The following ABCB5 variants were observed in gnomAD, a reference collection of about 807,000 sequenced individuals.
ABCB5 encodes ATP-binding cassette sub-family B member 5.
In ABCB5, 155 loss-of-function variants were observed where a neutral mutation model predicts 144.2. The ratio of observed to expected loss-of-function variants is 1.08; its 90% confidence interval spans 0.94 to 1.23. The LOEUF (loss-of-function observed/expected upper bound fraction) is 1.23, where lower values mean the gene tolerates loss of function less well. Ranked by LOEUF, ABCB5 falls within the 50% of genes most tolerant of loss-of-function variation. ABCB5 has a pLI of 0.00. For synonymous variants in ABCB5, 610 were observed against 528.6 expected (o/e 1.15, Z -2.11); for missense variants, 1,830 against 1,520.8 (o/e 1.20, Z -3.38).
intron 20 of ABCB5, among the ~76,000 whole-genome samples, chr7:20,710,836 T>C (rs1384001473): frequency 2.7e-5 from 4 of 150,310 alleles, no homozygotes; most frequent in Non-Finnish European, 4.4e-5. Context: ...ATTCCATATG[T>C]TCTTTGCACA....
chr7:20,686,495 A>G (rs1447931112), intron 16 of ABCB5, among the ~76,000 whole-genome samples: 1 of 151,926 alleles, frequency 6.6e-6, no homozygotes, highest in Admixed American at 6.6e-5. Flanking sequence ...TTGAGCCTCC[A>G]CCACACATCC....
At chr7:20,671,085 CATAAAA>C (rs1233275252) in intron 14 of ABCB5, among the ~76,000 whole-genome samples, 1 of 151,968 alleles carries the variant, frequency 6.6e-6, no homozygotes, top group Non-Finnish European at 1.5e-5. Flanking sequence ...TAGGTTATAC[CATAAAA>C]ATGACCCATA....
At chr7:20,722,986 T>C (rs73085689) in intron 20 of ABCB5, 30 bp from the exon 21 acceptor site, 544,730 of 1,602,242 alleles carry the variant, frequency 0.34, 97,526 homozygotes, top group Non-Finnish European at 0.37. Context: ...GTTAATTGAG[T>C]TTTTTCCCCC....
chr7:20,667,537 A>G (rs1472825080), intron 14 of ABCB5: 1 of 977,640 alleles, frequency 1.0e-6, no homozygotes, highest in African/African-American at 1.8e-5. Flanking sequence ...TATATTTTCT[A>G]ATTAAATTCC....
intron 12 of ABCB5, among the ~76,000 whole-genome samples, chr7:20,650,738 A>G (rs1036773701): frequency 6.6e-6 from 1 of 152,176 alleles, no homozygotes; most frequent in Non-Finnish European, 1.5e-5. Flanking sequence ...GCCTGGCTTT[A>G]TTTAAATTTT....
At chr7:20,681,051 TC>T (rs1785793765) in intron 14 of ABCB5, among the ~76,000 whole-genome samples, 3 of 72,568 alleles carry the variant, frequency 4.1e-5, no homozygotes, top group African/African-American at 1.3e-4. Flanking sequence ...TTTCTTTCTC[TC>T]TCTCTCTCTT....
At chr7:20,639,050 A>T (rs978462072) in intron 5 of ABCB5, among the ~76,000 whole-genome samples, 5 of 152,134 alleles carry the variant, frequency 3.3e-5, no homozygotes, top group Admixed American at 3.3e-4. Flanking sequence ...TATTACAGCC[A>T]TTGTAGTAGG....
chr7:20,680,713 C>T (rs913138047), intron 14 of ABCB5, among the ~76,000 whole-genome samples: 1 of 152,090 alleles, frequency 6.6e-6, no homozygotes, highest in Non-Finnish European at 1.5e-5. Flanking sequence ...CCCTTATGTG[C>T]ATTTTTCCAT....
chr7:20,672,962 T>A (rs1345732697), intron 14 of ABCB5, among the ~76,000 whole-genome samples: 1 of 152,144 alleles, frequency 6.6e-6, no homozygotes, highest in Non-Finnish European at 1.5e-5. Context: ...ATTTCTTTTC[T>A]TCCATTTTTT....
At chr7:20,652,762 C>A (rs1483720008) in intron 13 of ABCB5, among the ~76,000 whole-genome samples, 3 of 152,074 alleles carry the variant, frequency 2.0e-5, no homozygotes, top group African/African-American at 7.2e-5. Context: ...CTCAGCATCC[C>A]CTGAAATTGT....
chr7:20,685,495 G>A (rs890191379), intron 15 of ABCB5, among the ~76,000 whole-genome samples: 1 of 152,134 alleles, frequency 6.6e-6, no homozygotes, highest in African/African-American at 2.4e-5. Flanking sequence ...AGGACAATGA[G>A]CTATTGTCAG....
At chr7:20,694,924 TAC>T (rs1786355885) in intron 16 of ABCB5, among the ~76,000 whole-genome samples, 1 of 151,962 alleles carries the variant, frequency 6.6e-6, no homozygotes, top group South Asian at 2.1e-4. Flanking sequence ...TATAAAATAT[TAC>T]AGAGAAAAAC....
chr7:20,714,776 G>A (rs1326161564), intron 20 of ABCB5, among the ~76,000 whole-genome samples: 5 of 152,126 alleles, frequency 3.3e-5, no homozygotes, highest in Admixed American at 3.3e-4. Flanking sequence ...AAGCCACTTC[G>A]TAGAAAGTTC....
At chr7:20,698,054 G>T (rs1035726457) in intron 16 of ABCB5, among the ~76,000 whole-genome samples, 2 of 151,912 alleles carry the variant, frequency 1.3e-5, no homozygotes, top group Non-Finnish European at 2.9e-5. Context: ...TTATCCTGTA[G>T]TACAATATTC....
chr7:20,626,167 A>G (rs990138154), intron 2 of ABCB5, among the ~76,000 whole-genome samples: 16 of 152,206 alleles, frequency 1.1e-4, no homozygotes, highest in Non-Finnish European at 2.4e-4. Context: ...GATGGGGACA[A>G]TGGGAAAATG....
chr7:20,693,051 A>G (rs961035576), intron 16 of ABCB5, among the ~76,000 whole-genome samples: 3 of 152,304 alleles, frequency 2.0e-5, no homozygotes, highest in Admixed American at 6.5e-5. Flanking sequence ...AAGACTTCAC[A>G]TATTAACAAC....
At chr7:20,719,871 G>A (rs1203622672) in intron 20 of ABCB5, among the ~76,000 whole-genome samples, 2 of 152,034 alleles carry the variant, frequency 1.3e-5, no homozygotes, top group Non-Finnish European at 2.9e-5. Context: ...TGGAGGTATT[G>A]ATATGACTCA....
Position 20,626,685 on chromosome 7 carries a change from G to C in ABCB5, c.108+74G>C, listed in dbSNP as rs1457664125. On this transcript the variant is annotated intron_variant, in intron 3 of 27. Transcript: ENST00000404938. Reference sequence around the variant, plus strand: ...TTGTCAGTAGTGCATAGAAGATTGTGTTTATTAGATTGCATCCACTATTTG... The same window carrying C: ...TTGTCAGTAGTGCATAGAAGATTGTCTTTATTAGATTGCATCCACTATTTG... 2.5e-6 allele frequency: 3 copies of C among 1,201,442 alleles called. No homozygotes were observed. The East Asian group carries it at 8.6e-5, about 35-fold the overall frequency. The allele number at this position is 1,201,442 out of a possible 1,614,324, so 74.4% of individuals were successfully genotyped here. A position where few individuals can be genotyped will look rare whatever the true frequency, so the allele number is the denominator to read the frequency against.
At position 20,651,468 on chromosome 7, in the gene ABCB5, C is replaced by T. The variant is rs761699207; in HGVS notation, c.1381C>T (p.Arg461Ter). Reference sequence around the variant, plus strand: ...CAGAGCTTTAAATGTGCGGCATTATCGAGACCATATTGGAGTGGTTAGTCA... The same window carrying T: ...CAGAGCTTTAAATGTGCGGCATTATTGAGACCATATTGGAGTGGTTAGTCA... Reference protein sequence around the residue: ...DIRALNVRHYRDHIGVVSQEP... With the variant: ...DIRALNVRHY The change falls in exon 13 of 28, where the codon CGA becomes TGA. Residue 461 changes from arginine (R) to a stop codon, truncating the protein, a stop_gained. Coordinates refer to ENST00000404938, the MANE Select transcript of ABCB5 (RefSeq NM_001163941.2). LOFTEE classifies it high-confidence loss of function. The T allele has an allele frequency of 1.9e-5, 30 of 1,613,866 alleles. No individual in the cohort carries two copies. The South Asian group carries it at 2.7e-4, about 15-fold the overall frequency.
Sources: allele counts gnomAD v4.1 joint callset (sites outside exome capture counted in the v4.1 genomes callset), GRCh38; gene constraint gnomAD v4.1.1; transcripts MANE v1.5; gene names NCBI Gene and HGNC (gene_info 2026-07-23, HGNC 2026-07-21).